The following TTI1 variants were observed in gnomAD, a reference collection of about 807,000 sequenced individuals.
TTI1 encodes TELO2-interacting protein 1 homolog.
Under a neutral mutation model 85.4 loss-of-function variants are expected in TTI1, and 52 were observed. The ratio of observed to expected loss-of-function variants is 0.61; its 90% CI spans 0.49 to 0.77. The LOEUF (loss-of-function observed/expected upper bound fraction) is 0.77. Among genes scored for constraint, TTI1 ranks in the 30% least tolerant of loss-of-function variants. The pLI, the probability that TTI1 is intolerant of heterozygous loss-of-function variation, is 0.00. For missense variants in TTI1, 1,173 were observed against 1,296.0 expected, an observed-to-expected ratio of 0.91 and a Z score of 1.46; for synonymous variants, 512 against 503.9, an observed-to-expected ratio of 1.02 and a Z score of -0.22.
At position 38,002,767 on chromosome 20, in the gene TTI1, G is replaced by A. The variant is rs760000075; in HGVS notation, c.2513C>T (p.Ser838Leu). The change falls in exon 4 of 8, where the codon TCA (serine) becomes TTA (leucine). Residue 838 changes from serine (S) to leucine (L), a missense_variant. Transcript: ENST00000373447. ...SDFDNEEEEQ[S>L]VPPKVDENDT... ...ATTCTCATCCACTTTGGGAGGGACT[G>A]ACTGTTCCTCTGGAAAAAGAGCACA... The A allele has an allele frequency of 1.2e-6, 2 of 1,613,974 alleles. No homozygotes were observed. Among genetic ancestry groups the A allele is most frequent in the Admixed American group, 3.3e-5 (2 of 60,028 alleles).
chr20:38,005,614 A>G (rs2073484865), intron 3 of TTI1, among the ~76,000 whole-genome samples: 1 of 152,136 alleles, frequency 6.6e-6, no homozygotes, highest in Non-Finnish European at 1.5e-5. Context: ...AGAAAACTGG[A>G]AATAGCCAAT....
chr20:38,023,030 T>C (rs1409543686), intron 1 of TTI1, among the ~76,000 whole-genome samples: 1 of 152,214 alleles, frequency 6.6e-6, no homozygotes, highest in Non-Finnish European at 1.5e-5. Context: ...AGCCCAGAGA[T>C]AGGAGTTCAG....
At chr20:38,033,114 C>T (rs73905529) in intron 1 of TTI1, among the ~76,000 whole-genome samples, 47 of 152,178 alleles carry the variant, frequency 3.1e-4, no homozygotes, top group African/African-American at 1.1e-3. Context: ...TAGGAGCTCA[C>T]CAGGTGAGAA....
At chr20:37,999,694 A>C (rs1200437184) in intron 4 of TTI1, among the ~76,000 whole-genome samples, 2 of 152,226 alleles carry the variant, frequency 1.3e-5, no homozygotes, top group Non-Finnish European at 2.9e-5. Flanking sequence ...TTCTAAAAGA[A>C]GACACAAAGG....
chr20:38,010,533 C>T (rs767654663), intron 2 of TTI1, among the ~76,000 whole-genome samples: 6 of 145,128 alleles, frequency 4.1e-5, no homozygotes, highest in East Asian at 2.0e-4. Context: ...TGCAGTGGCG[C>T]GATCTTGGCT....
rs566766425 is a variant in TTI1 at position 38,013,498 on chromosome 20, G to A, written c.319C>T (p.Pro107Ser). 453 of 1,614,110 alleles carry A rather than the reference G, an allele frequency of 2.8e-4. 18 individuals carry two copies. In the South Asian group the frequency reaches 4.8e-3, roughly 17 times the overall value. The change falls in exon 2 of 8, where the codon CCC becomes TCC. Residue 107 changes from proline to serine, a missense_variant. Physicochemically the swap from Pro to Ser is moderately conservative, Grantham distance 74. Coordinates refer to ENST00000373447, the MANE Select transcript of TTI1 (RefSeq NM_001303457.2). ...ACAGCCGCAGGTTTTTGGGAGCTGG[G>A]TGAATACAGACAAGCAGAGAGTTCT... Reference protein sequence around the residue: ...FSELSACLYSPSSQKPAAVSE... With the variant: ...FSELSACLYSSSSQKPAAVSE...
chr20:38,011,698 G>A lies in TTI1; in HGVS notation c.2119C>T (p.Arg707Cys), dbSNP rs147081500. Residue 707 changes from arginine (R) to cysteine (C), a missense_variant, in exon 2 of 8, where the codon CGT becomes TGT. Coordinates refer to ENST00000373447, the MANE Select transcript of TTI1 (RefSeq NM_001303457.2). ...GTATGAGGATGCAGAGCCAGATGAC[G>A]CAGATTTAAAGAGATCCCATTCACT... ...YLVNGISLNL[R>C]HLALHPHTPK... The A allele has an allele frequency of 2.5e-5, 40 of 1,614,200 alleles. 1 individual carries two copies. In the African/African-American group the frequency reaches 2.8e-4, roughly 11 times the overall value.
chr20:38,012,014 G>A lies in TTI1; in HGVS notation c.1803C>T (p.Thr601=). Residue 601 remains threonine (T), a synonymous_variant, in exon 2 of 8, where the codon ACC becomes ACT. Coordinates refer to ENST00000373447, the MANE Select transcript of TTI1 (RefSeq NM_001303457.2). ...AGGCTAGAAAAGATGTAACTTGGCA[G>A]GTGTGTTCACCAGACGTGATGGCTT... ...GLQAITSGEH[T]CQVTSFLAFS... 1 of 1,614,244 alleles carries A rather than the reference G, an allele frequency of 6.2e-7. No individual in the cohort carries two copies. The highest frequency in any genetic ancestry group is 8.5e-7 in the Non-Finnish European group (1 of 1,180,044).
Position 38,006,399 on chromosome 20 carries a change from T to C in TTI1, c.2303-2A>G. ...TACCTGTGTCTGGGAACCACTGGGC[T>C]GTAAATAAAGTGTTACAATGATCAC... On this transcript the variant is annotated splice_acceptor_variant, in intron 2 of 7. Transcript: ENST00000373447. LOFTEE classifies it high-confidence loss of function. 6.2e-7 allele frequency: 1 copy of C among 1,614,168 alleles called. No individual in the cohort carries two copies. Among genetic ancestry groups the C allele is most frequent in the South Asian group, 1.1e-5 (1 of 91,086 alleles).
rs765091762 is a variant in TTI1 at position 37,996,831 on chromosome 20, T to C, written c.2916A>G (p.Pro972=). 22 of 1,614,086 alleles carry C rather than the reference T, an allele frequency of 1.4e-5. 1 individual carries two copies. The South Asian group carries it at 2.3e-4, about 17-fold the overall frequency. The change falls in exon 6 of 8, where the codon CCA becomes CCG. Residue 972 remains proline, a synonymous_variant. Transcript: ENST00000373447. ...TGAAGGCCAGCGTGTGCGAGTAAAC[T>C]GGTCCAGCCCTGGCACTGATGGGGG... ...TQAPISARAG[P]VYSHTLAFKL... is the part of the protein sequence containing the mutation.
chr20:37,983,130 T>G lies in TTI1; in HGVS notation c.*326A>C, dbSNP rs918999095. ...TTGAAGACAGGGAGGTGTATGCAGA[T>G]GGAGGGGAACTGACCTCTTGTGTGT... On this transcript the variant is annotated 3_prime_UTR_variant, in exon 8 of 8. Coordinates refer to ENST00000373447, the MANE Select transcript of TTI1 (RefSeq NM_001303457.2). The G allele has an allele frequency of 2.9e-5, 6 of 203,460 alleles. No individual in the cohort carries two copies. The highest frequency in any genetic ancestry group is 1.1e-4 in the Admixed American group (2 of 17,846). 12.6% of individuals were successfully genotyped at this position (203,460 alleles called of 1,614,324 possible).
At chr20:38,017,605 C>T (rs1394669138) in intron 1 of TTI1, among the ~76,000 whole-genome samples, 2 of 152,118 alleles carry the variant, frequency 1.3e-5, no homozygotes, top group Non-Finnish European at 2.9e-5. Context: ...CCTCCAAATA[C>T]CCAACTTCTG....
chr20:38,026,529 C>A (rs2073838327), intron 1 of TTI1, among the ~76,000 whole-genome samples: 1 of 152,150 alleles, frequency 6.6e-6, no homozygotes, highest in Non-Finnish European at 1.5e-5. Flanking sequence ...CAATAATTTT[C>A]AGGTGCTGAA....
chr20:37,996,852 G>A lies in TTI1; in HGVS notation c.2895C>T (p.Pro965=). The change falls in exon 6 of 8, where the codon CCC becomes CCT. Residue 965 remains proline, a synonymous_variant. Coordinates refer to ENST00000373447, the MANE Select transcript of TTI1 (RefSeq NM_001303457.2). The stretch of plus-strand genomic sequence containing the variant: ...AAACTGGTCCAGCCCTGGCACTGAT[G>A]GGGGCCTGGGTGACTAGGGAGCCAG... ...KLAGSLVTQA[P]ISARAGPVYS... is the part of the protein sequence containing the mutation. 1 of 1,614,164 alleles carries A rather than the reference G, an allele frequency of 6.2e-7. No individual in the cohort carries two copies.
At chr20:38,015,725 A>G (rs1165214466) in intron 1 of TTI1, among the ~76,000 whole-genome samples, 2 of 152,172 alleles carry the variant, frequency 1.3e-5, no homozygotes, top group African/African-American at 2.4e-5. Context: ...TCCACACACA[A>G]AAAAGCTCCA....
At chr20:38,014,598 G>T (rs943730118) in intron 1 of TTI1, among the ~76,000 whole-genome samples, 1 of 152,146 alleles carries the variant, frequency 6.6e-6, no homozygotes, top group African/African-American at 2.4e-5. Context: ...AAGCGAAAGG[G>T]GGTACCCAGA....
chr20:38,014,210 G>A (rs908497077), intron 1 of TTI1, among the ~76,000 whole-genome samples: 1 of 152,190 alleles, frequency 6.6e-6, no homozygotes, highest in African/African-American at 2.4e-5. Flanking sequence ...TTAACCTTCA[G>A]GAGTTTGGAT....
intron 4 of TTI1, 134 bp from the exon 5 acceptor site, chr20:37,999,462 A>G (rs1486027126): frequency 1.0e-6 from 1 of 958,882 alleles, no homozygotes; most frequent in Non-Finnish European, 1.4e-6. Context: ...ACTACATGCC[A>G]AGCACTAGCT....
intron 1 of TTI1, among the ~76,000 whole-genome samples, chr20:38,014,539 C>T (rs2073653265): frequency 6.6e-6 from 1 of 152,034 alleles, no homozygotes; most frequent in African/African-American, 2.4e-5. Context: ...CCCCAGGAGC[C>T]TGTAATATGG....
Sources: gnomAD v4.1 joint callset for allele counts (sites outside exome capture counted in the v4.1 genomes callset) on GRCh38, gnomAD v4.1.1 for gene constraint, MANE v1.5 for transcripts, NCBI Gene and HGNC (gene_info 2026-07-23, HGNC 2026-07-21) for gene names.